HRH1: variants seen among roughly 807,000 people sequenced by gnomAD.
HRH1 encodes the protein histamine H1 receptor.
A neutral mutation model predicts 10.3 loss-of-function variants in HRH1; 6 were observed. The observed-to-expected ratio is 0.58, with a 90% CI of 0.32 to 1.15. HRH1 has a LOEUF of 1.15. HRH1 is among the 50% of genes most tolerant of loss of function. The pLI, the probability that HRH1 is intolerant of heterozygous loss-of-function variation, is 0.05. For synonymous variants in HRH1, 242 were observed against 236.7 expected, an observed-to-expected ratio of 1.02 and a Z score of -0.21; for missense variants, 514 against 615.3, an observed-to-expected ratio of 0.84 and a Z score of 1.74.
chr3:11,227,140 C>T lies in HRH1; in HGVS notation c.-35-31863C>T, dbSNP rs898380997. Among the ~76,000 whole-genome samples the T allele has an allele frequency of 5.5e-4, 84 of 152,174 alleles. 1 individual carries two copies. Among genetic ancestry groups the T allele is most frequent in the Admixed American group, 3.3e-4 (5 of 15,278 alleles). Reference sequence around the variant, plus strand: ...AGTTGAGAGACGATGTTGTCAAAGTCTGCAGCAGAACAGAACAGGGGTGAC... The same window carrying T: ...AGTTGAGAGACGATGTTGTCAAAGTTTGCAGCAGAACAGAACAGGGGTGAC... On this transcript the variant is annotated intron_variant, in intron 1 of 1. Coordinates refer to ENST00000431010, the MANE Select transcript of HRH1 (RefSeq NM_001098212.2).
At chr3:11,140,674 C>G (rs916544585) in intron 1 of HRH1, among the ~76,000 whole-genome samples, 6 of 152,144 alleles carry the variant, frequency 3.9e-5, no homozygotes, top group African/African-American at 1.4e-4. Flanking sequence ...ACTTGTAAAA[C>G]ACCCAGTTAC....
At chr3:11,159,983 C>G (rs1204932645) in intron 1 of HRH1, among the ~76,000 whole-genome samples, 1 of 152,228 alleles carries the variant, frequency 6.6e-6, no homozygotes, top group Non-Finnish European at 1.5e-5. Context: ...GATGAGAGTT[C>G]TTCTAACCAG....
chr3:11,213,081 A>T (rs1256134678), intron 1 of HRH1, among the ~76,000 whole-genome samples: 2 of 152,154 alleles, frequency 1.3e-5, no homozygotes, highest in Non-Finnish European at 2.9e-5. Flanking sequence ...TTCAGCCATC[A>T]CTAACCCTCT....
At chr3:11,172,315 G>A (rs538466198) in intron 1 of HRH1, among the ~76,000 whole-genome samples, 2 of 152,322 alleles carry the variant, frequency 1.3e-5, no homozygotes, top group Non-Finnish European at 2.9e-5. Flanking sequence ...GCCTGGGTCC[G>A]GGCAGTAGCC....
chr3:11,237,647 C>G (rs1315260833), intron 1 of HRH1, among the ~76,000 whole-genome samples: 3 of 121,420 alleles, frequency 2.5e-5, no homozygotes, highest in African/African-American at 9.3e-5. Flanking sequence ...GAAAATATTT[C>G]TTTTCTTTTT....
intron 1 of HRH1, among the ~76,000 whole-genome samples, chr3:11,229,748 T>G (rs1195379987): frequency 6.6e-6 from 1 of 152,236 alleles, no homozygotes; most frequent in Non-Finnish European, 1.5e-5. Context: ...TCATCTTGTT[T>G]ATGCCTATGG....
intron 1 of HRH1, among the ~76,000 whole-genome samples, chr3:11,168,857 G>C (rs1486550146): frequency 6.6e-6 from 1 of 152,216 alleles, no homozygotes; most frequent in Non-Finnish European, 1.5e-5. Flanking sequence ...TCTCTGGTTG[G>C]AGATGAAGGG....
intron 1 of HRH1, among the ~76,000 whole-genome samples, chr3:11,220,515 G>C (rs1180823755): frequency 1.3e-5 from 2 of 152,262 alleles, no homozygotes; most frequent in African/African-American, 4.8e-5. Flanking sequence ...CAACTAGCAA[G>C]AGGCGGTGTG....
At chr3:11,215,205 C>T (rs1229666321) in intron 1 of HRH1, among the ~76,000 whole-genome samples, 1 of 152,218 alleles carries the variant, frequency 6.6e-6, no homozygotes, top group East Asian at 1.9e-4. Context: ...TTGTTTAAGG[C>T]ATCTTCTCCA....
At chr3:11,156,811 A>G (rs1936813413) in intron 1 of HRH1, among the ~76,000 whole-genome samples, 1 of 152,218 alleles carries the variant, frequency 6.6e-6, no homozygotes, top group South Asian at 2.1e-4. Context: ...CCAGCTCTGT[A>G]TCCTTTCTCT....
At chr3:11,218,822 C>T (rs566949583) in intron 1 of HRH1, among the ~76,000 whole-genome samples, 101 of 152,182 alleles carry the variant, frequency 6.6e-4, no homozygotes, top group Admixed American at 1.3e-3. Context: ...GTGATCTGCC[C>T]GCCTCGGCCT....
chr3:11,194,047 G>T (rs1286852944), intron 1 of HRH1, among the ~76,000 whole-genome samples: 1 of 152,188 alleles, frequency 6.6e-6, no homozygotes, highest in Non-Finnish European at 1.5e-5. Flanking sequence ...AAGTTTGTTG[G>T]TTTGGTCATT....
rs1428127352 is a variant in HRH1, at chr3:11,261,351, G to T, written c.*850G>T. The T allele has an allele frequency of 6.0e-6, 1 of 167,032 alleles. No individual in the cohort carries two copies. Among genetic ancestry groups the T allele is most frequent in the Admixed American group, 6.5e-5 (1 of 15,282 alleles). 10.3% of individuals were successfully genotyped at this position (167,032 alleles called of 1,614,324 possible). A position where few individuals can be genotyped will look rare whatever the true frequency, so the allele number is the denominator to read the frequency against. ...GCCATATTTTTGAGGGCTGTACTAG[G>T]TTTATCTCATTTAAGCCCCACAACA... On this transcript the variant is annotated 3_prime_UTR_variant, in exon 2 of 2. Coordinates refer to ENST00000431010, the MANE Select transcript of HRH1 (RefSeq NM_001098212.2).
chr3:11,155,893 A>G (rs1200585764), intron 1 of HRH1, among the ~76,000 whole-genome samples: 2 of 152,226 alleles, frequency 1.3e-5, no homozygotes, highest in African/African-American at 4.8e-5. Context: ...TTGGAAGGTA[A>G]GTACTATTAT....
chr3:11,197,177 A>T (rs547525064), intron 1 of HRH1, among the ~76,000 whole-genome samples: 7 of 151,454 alleles, frequency 4.6e-5, no homozygotes, highest in African/African-American at 1.7e-4. Flanking sequence ...ATTCAACTGG[A>T]ATCTGAAATA....
chr3:11,168,547 C>T (rs544835310), intron 1 of HRH1, among the ~76,000 whole-genome samples: 5 of 152,300 alleles, frequency 3.3e-5, no homozygotes, highest in African/African-American at 1.2e-4. Context: ...CTGATGCGCT[C>T]GCCCCAGTCA....
At chr3:11,222,706 C>T (rs758998717) in intron 1 of HRH1, among the ~76,000 whole-genome samples, 2 of 152,006 alleles carry the variant, frequency 1.3e-5, no homozygotes, top group Non-Finnish European at 2.9e-5. Context: ...TAAGGCAGAA[C>T]TAGTGGCCCC....
chr3:11,235,163 C>T (rs558078511), intron 1 of HRH1, among the ~76,000 whole-genome samples: 14 of 149,846 alleles, frequency 9.3e-5, no homozygotes, highest in African/African-American at 2.7e-4. Flanking sequence ...TGCAGTGAGC[C>T]GAGATCACAC....
chr3:11,167,125 C>G, intron 1 of HRH1, among the ~76,000 whole-genome samples: 1 of 146,680 alleles, frequency 6.8e-6, no homozygotes, highest in East Asian at 2.1e-4. Flanking sequence ...TCCCCAGGCC[C>G]GTGACATCTG....
Sources: allele counts gnomAD v4.1 joint callset (sites outside exome capture counted in the v4.1 genomes callset), GRCh38; gene constraint gnomAD v4.1.1; transcripts MANE v1.5; gene names NCBI Gene and HGNC (gene_info 2026-07-23, HGNC 2026-07-21).